The following NLGN1 variants were observed in gnomAD, a reference collection of about 807,000 sequenced individuals.
NLGN1 encodes neuroligin 1.
NLGN1 carries 12 observed loss-of-function variants against 65.5 expected under a neutral mutation model. The ratio of observed to expected loss-of-function variants is 0.18; its 90% confidence interval spans 0.12 to 0.30. NLGN1 has a LOEUF of 0.30. Among genes scored for constraint, NLGN1 ranks in the 10% least tolerant of loss-of-function variants. NLGN1 has a pLI of 1.00. For synonymous variants in NLGN1, 350 were observed against 359.5 expected, an observed-to-expected ratio of 0.97 and a Z score of 0.30; for missense variants, 750 against 1,007.1, an observed-to-expected ratio of 0.74 and a Z score of 3.46.
rs550271435 is a variant in NLGN1 at position 173,707,094 on chromosome 3, G to A, written c.494-100586G>A. ...TTTAATTTGACTTAGGCGTATGTCA[G>A]CTTCAGGATTCATAGATAAGGTCCT... On this transcript the variant is annotated intron_variant, in intron 3 of 6. Transcript: ENST00000457714. Among the ~76,000 whole-genome samples the A allele has an allele frequency of 2.6e-5, 4 of 152,282 alleles. No individual in the cohort carries two copies. The East Asian group carries it at 7.7e-4, about 29-fold the overall frequency.
At chr3:173,424,925 T>C (rs1715822038) in intron 1 of NLGN1, among the ~76,000 whole-genome samples, 1 of 152,160 alleles carries the variant, frequency 6.6e-6, no homozygotes, top group Non-Finnish European at 1.5e-5. Context: ...ATACCAATTC[T>C]CTGTATTAGT....
intron 4 of NLGN1, among the ~76,000 whole-genome samples, chr3:174,022,042 T>C (rs1188490812): frequency 1.3e-5 from 2 of 152,158 alleles, no homozygotes; most frequent in African/African-American, 4.8e-5. Flanking sequence ...TGTGTTGCCT[T>C]GGTGTTCTGC....
chr3:174,105,478 A>T (rs1395157055), intron 4 of NLGN1, among the ~76,000 whole-genome samples: 1 of 152,140 alleles, frequency 6.6e-6, no homozygotes, highest in African/African-American at 2.4e-5. Flanking sequence ...AGGGATGTCA[A>T]GACTGCAGTG....
chr3:174,241,869 A>G (rs1458052470), intron 4 of NLGN1, among the ~76,000 whole-genome samples: 3 of 152,074 alleles, frequency 2.0e-5, no homozygotes, highest in Non-Finnish European at 4.4e-5. Context: ...CGTGTTAGCC[A>G]GGATGGTCTC....
chr3:173,657,952 T>G (rs1397004533), intron 3 of NLGN1, among the ~76,000 whole-genome samples: 1 of 151,910 alleles, frequency 6.6e-6, no homozygotes, highest in Non-Finnish European at 1.5e-5. Flanking sequence ...GTAATAAACT[T>G]AAGTTTGTAA....
At chr3:173,752,186 C>T (rs571333737) in intron 3 of NLGN1, among the ~76,000 whole-genome samples, 8 of 152,234 alleles carry the variant, frequency 5.3e-5, no homozygotes, top group African/African-American at 1.9e-4. Context: ...TTCTGCCAGA[C>T]TTCTGAAGGG....
At chr3:173,438,470 G>A (rs1336059238) in intron 2 of NLGN1, among the ~76,000 whole-genome samples, 1 of 152,062 alleles carries the variant, frequency 6.6e-6, no homozygotes, top group Non-Finnish European at 1.5e-5. Context: ...TTTCTTCCCT[G>A]GATCCTGGGC....
intron 4 of NLGN1, among the ~76,000 whole-genome samples, chr3:174,057,445 T>G (rs1438156040): frequency 6.6e-6 from 1 of 151,946 alleles, no homozygotes; most frequent in Non-Finnish European, 1.5e-5. Flanking sequence ...GACAGAAAGG[T>G]GAAAGCATAA....
chr3:173,448,588 G>A (rs1420478167), intron 2 of NLGN1, among the ~76,000 whole-genome samples: 1 of 152,194 alleles, frequency 6.6e-6, no homozygotes, highest in Non-Finnish European at 1.5e-5. Flanking sequence ...AAATGGGTTA[G>A]GGAGGATTCC....
At chr3:173,580,791 A>G (rs963813873) in intron 2 of NLGN1, among the ~76,000 whole-genome samples, 1 of 152,052 alleles carries the variant, frequency 6.6e-6, no homozygotes, top group African/African-American at 2.4e-5. Flanking sequence ...CTATATTAAT[A>G]TCTAATACTT....
At chr3:174,197,420 C>T (rs1158318854) in intron 4 of NLGN1, among the ~76,000 whole-genome samples, 4 of 148,490 alleles carry the variant, frequency 2.7e-5, no homozygotes, top group African/African-American at 1.0e-4. Flanking sequence ...GTGAGCCGTA[C>T]TAGGATAAAT....
At chr3:174,016,699 G>A (rs1205321180) in intron 4 of NLGN1, among the ~76,000 whole-genome samples, 1 of 152,114 alleles carries the variant, frequency 6.6e-6, no homozygotes, top group African/African-American at 2.4e-5. Flanking sequence ...AAAAGTAATG[G>A]TAAAGAATAT....
intron 4 of NLGN1, among the ~76,000 whole-genome samples, chr3:173,961,424 T>A (rs1713537942): frequency 6.6e-6 from 1 of 152,166 alleles, no homozygotes. Flanking sequence ...ATTTGATTCT[T>A]CTTTCATCCC....
At chr3:174,046,928 G>T (rs1441900310) in intron 4 of NLGN1, among the ~76,000 whole-genome samples, 1 of 152,026 alleles carries the variant, frequency 6.6e-6, no homozygotes, top group African/African-American at 2.4e-5. Flanking sequence ...TTTATAAAAG[G>T]TTTGGAAGTA....
intron 4 of NLGN1, among the ~76,000 whole-genome samples, chr3:174,111,953 G>C (rs1715323090): frequency 1.3e-5 from 2 of 151,900 alleles, no homozygotes; most frequent in Admixed American, 1.3e-4. Context: ...ACCAGTGGAA[G>C]TAGTCCTGGA....
intron 2 of NLGN1, among the ~76,000 whole-genome samples, chr3:173,593,507 A>T (rs956828733): frequency 6.6e-6 from 1 of 152,216 alleles, no homozygotes; most frequent in Non-Finnish European, 1.5e-5. Context: ...AAAAAATGTA[A>T]TAAGTGTTTT....
At chr3:174,041,491 T>C (rs1368507534) in intron 4 of NLGN1, among the ~76,000 whole-genome samples, 1 of 152,204 alleles carries the variant, frequency 6.6e-6, no homozygotes, top group Non-Finnish European at 1.5e-5. Flanking sequence ...AAATTCCTTA[T>C]GTGAATACCT....
At position 174,279,272 on chromosome 3, in the gene NLGN1, G is replaced by T. The variant is rs772952520; in HGVS notation, c.1271G>T (p.Gly424Val). The change falls in exon 6 of 7, where the codon GGA (glycine) becomes GTA (valine). Residue 424 changes from glycine to valine, a missense_variant. Physicochemically the swap from Gly to Val is moderately radical, Grantham distance 109 (BLOSUM62 -3). Coordinates refer to ENST00000457714, the Ensembl canonical transcript of NLGN1. This position sits in a 1 kb window ranked among gnomAD's most constrained non-coding sequence, Gnocchi z 4.7. ...TCAAATTTTGTTGATAATTTATATG[G>T]ATATCCTGAAGGCAAAGATGTTTTG... 2 of 1,613,152 alleles carry T rather than the reference G, an allele frequency of 1.2e-6. No homozygotes were observed. Among genetic ancestry groups the T allele is most frequent in the Non-Finnish European group, 1.7e-6 (2 of 1,179,544 alleles).
intron 3 of NLGN1, among the ~76,000 whole-genome samples, chr3:173,730,710 A>G (rs191688897): frequency 6.6e-6 from 1 of 152,208 alleles, no homozygotes; most frequent in Admixed American, 6.6e-5. Flanking sequence ...CACGCTGCAA[A>G]TAAAAAAATG....
Sources: allele counts gnomAD v4.1 joint callset (sites outside exome capture counted in the v4.1 genomes callset), GRCh38; gene constraint gnomAD v4.1.1; non-coding constraint Gnocchi (gnomAD v3.1); transcripts MANE v1.5; gene names NCBI Gene and HGNC (gene_info 2026-07-23, HGNC 2026-07-21).